The following FAM83D variants were observed in gnomAD, a reference collection of about 807,000 sequenced individuals.
FAM83D encodes the protein protein FAM83D.
FAM83D carries 26 observed loss-of-function variants against 25.4 expected under a neutral mutation model. The observed-to-expected ratio is 1.02, with a 90% CI of 0.75 to 1.42. The LOEUF (loss-of-function observed/expected upper bound fraction) is 1.42. Ranked by LOEUF, FAM83D falls within the 40% of genes most tolerant of loss-of-function variation. The pLI is 0.00. For synonymous variants in FAM83D, 310 were observed against 318.5 expected (o/e 0.97, Z 0.28); for missense variants, 740 against 758.1 (o/e 0.98, Z 0.28).
At chr20:38,935,035 A>G (rs1045505057) in intron 1 of FAM83D, among the ~76,000 whole-genome samples, 18 of 152,230 alleles carry the variant, frequency 1.2e-4, no homozygotes, top group African/African-American at 4.1e-4. Flanking sequence ...ATATAAAACA[A>G]ATATGTTTAT....
chr20:38,938,192 C>T (rs2085686610), intron 1 of FAM83D, among the ~76,000 whole-genome samples: 1 of 152,222 alleles, frequency 6.6e-6, no homozygotes, highest in Non-Finnish European at 1.5e-5. Flanking sequence ...AAAGGTGTTG[C>T]ACAATTGTTT....
At chr20:38,931,601 G>A (rs2085659094) in intron 1 of FAM83D, among the ~76,000 whole-genome samples, 1 of 152,216 alleles carries the variant, frequency 6.6e-6, no homozygotes. Flanking sequence ...CCTTCACTGA[G>A]GTGGTCTGAG....
chr20:38,947,669 C>G (rs2085733915), intron 2 of FAM83D, among the ~76,000 whole-genome samples: 1 of 152,088 alleles, frequency 6.6e-6, no homozygotes, highest in South Asian at 2.1e-4. Context: ...GAAGATGGAC[C>G]AAATGTAGAA....
intron 1 of FAM83D, 74 bp from the exon 2 acceptor site, chr20:38,941,885 C>A: frequency 1.4e-6 from 2 of 1,457,092 alleles, no homozygotes; most frequent in South Asian, 1.2e-5. Flanking sequence ...TGAGTGGAGT[C>A]CAGAGTCCAG....
intron 1 of FAM83D, among the ~76,000 whole-genome samples, chr20:38,928,714 G>A (rs746932145): frequency 6.6e-6 from 1 of 152,204 alleles, no homozygotes; most frequent in South Asian, 2.1e-4. Flanking sequence ...GGCGTGAGGA[G>A]GGGATGGAGC....
At position 38,926,526 on chromosome 20, in the gene FAM83D, C is replaced by T; in HGVS notation, c.84C>T (p.Phe28=). The change falls in exon 1 of 4, where the codon TTC becomes TTT. Residue 28 remains phenylalanine, a synonymous_variant. Coordinates refer to ENST00000619850, the MANE Select transcript of FAM83D (RefSeq NM_030919.3). ...GGCCGCCCAACCCGACCGAGCTGTT[C>T]AGCGAGTCACGGCGCCTGGCTCTGG... is the stretch of plus-strand genomic sequence containing the variant. The part of the protein sequence containing the change: ...PCGPPNPTEL[F]SESRRLALEE... 2 of 1,591,732 alleles carry T rather than the reference C, an allele frequency of 1.3e-6. No individual in the cohort carries two copies. Among genetic ancestry groups the T allele is most frequent in the South Asian group, 2.2e-5 (2 of 90,220 alleles).
intron 1 of FAM83D, among the ~76,000 whole-genome samples, chr20:38,939,262 C>A (rs543860047): frequency 1.5e-4 from 23 of 152,236 alleles, no homozygotes; most frequent in Non-Finnish European, 2.9e-4. Context: ...CTCCAGGAAG[C>A]CTTCCCTGCT....
At chr20:38,946,475 G>A (rs1158282640) in intron 2 of FAM83D, among the ~76,000 whole-genome samples, 1 of 152,132 alleles carries the variant, frequency 6.6e-6, no homozygotes, top group East Asian at 1.9e-4. Flanking sequence ...CCTGGAAATT[G>A]ACATTGTATA....
chr20:38,927,557 G>C (rs1425509354), intron 1 of FAM83D, among the ~76,000 whole-genome samples: 2 of 140,644 alleles, frequency 1.4e-5, no homozygotes, highest in Non-Finnish European at 3.0e-5. Flanking sequence ...GGAGTGAAGT[G>C]GTGGGATCTC....
At chr20:38,942,220 A>G (rs2085706110) in intron 2 of FAM83D, 94 bp downstream of exon 2, 8 of 1,371,510 alleles carry the variant, frequency 5.8e-6, no homozygotes, top group Non-Finnish European at 7.2e-6. Context: ...ATCCCTGTTT[A>G]CAAGGAAGGG....
At chr20:38,938,798 T>G (rs1378497133) in intron 1 of FAM83D, among the ~76,000 whole-genome samples, 1 of 152,194 alleles carries the variant, frequency 6.6e-6, no homozygotes, top group Non-Finnish European at 1.5e-5. Flanking sequence ...TTTGTCTTCA[T>G]CTGGTCTCTA....
intron 3 of FAM83D, among the ~76,000 whole-genome samples, chr20:38,949,654 C>T (rs1294082695): frequency 6.6e-6 from 1 of 152,274 alleles, no homozygotes; most frequent in Non-Finnish European, 1.5e-5. Context: ...AACTCTCAAA[C>T]GTACTGACTC....
At chr20:38,933,219 A>G (rs943600393) in intron 1 of FAM83D, among the ~76,000 whole-genome samples, 12 of 152,196 alleles carry the variant, frequency 7.9e-5, no homozygotes, top group African/African-American at 2.7e-4. Flanking sequence ...ACTCGATGCC[A>G]ATAGCATCCC....
chr20:38,943,311 C>T (rs1261954883), intron 2 of FAM83D, among the ~76,000 whole-genome samples: 1 of 151,834 alleles, frequency 6.6e-6, no homozygotes, highest in African/African-American at 2.4e-5. Context: ...GGCATGAGGC[C>T]CCATGCCCAG....
At chr20:38,937,826 C>T (rs141193788) in intron 1 of FAM83D, among the ~76,000 whole-genome samples, 2 of 152,018 alleles carry the variant, frequency 1.3e-5, no homozygotes, top group Admixed American at 6.5e-5. Context: ...GGTGTGGTGG[C>T]GTGTGCCTGT....
rs573681061 is a variant in FAM83D, at chr20:38,926,449, C to A, written c.7C>A (p.Leu3Met). ...GTCGAGTCCGAGCGCCGCCATGGCT[C>A]TGCTGTCCGAGGGCCTGGACGAGGT... MA[L>M]LSEGLDEVPA... is the part of the protein sequence containing the mutation. Residue 3 changes from leucine (L) to methionine (M), a missense_variant, in exon 1 of 4, where the codon CTG becomes ATG. Around this residue, in one of 3 missense-constraint regions of FAM83D, gnomAD observed 333 missense variants for 298.6 expected, o/e 1.12. Transcript: ENST00000619850. 49 of 1,598,782 alleles carry A rather than the reference C, an allele frequency of 3.1e-5. No individual in the cohort carries two copies. In the African/African-American group the frequency reaches 6.0e-4, roughly 20 times the overall value.
At chr20:38,938,608 C>G (rs1268408448) in intron 1 of FAM83D, among the ~76,000 whole-genome samples, 1 of 152,170 alleles carries the variant, frequency 6.6e-6, no homozygotes, top group African/African-American at 2.4e-5. Context: ...GGTTTTACTG[C>G]CACCTCAAAA....
chr20:38,950,413 AGAG>A (rs2085747890), intron 3 of FAM83D, among the ~76,000 whole-genome samples: 1 of 152,160 alleles, frequency 6.6e-6, no homozygotes. Flanking sequence ...TTCTGCTAGC[AGAG>A]GAGGGAGGCG....
At chr20:38,949,223 G>A (rs549556838) in intron 3 of FAM83D, among the ~76,000 whole-genome samples, 127 of 150,476 alleles carry the variant, frequency 8.4e-4, no homozygotes, top group Non-Finnish European at 1.3e-3. Flanking sequence ...GTGCAGTGGC[G>A]CCATCTTAGC....
Sources: allele counts gnomAD v4.1 joint callset (sites outside exome capture counted in the v4.1 genomes callset), GRCh38; gene constraint gnomAD v4.1.1; regional missense constraint gnomAD v4.1.1; transcripts MANE v1.5; gene names NCBI Gene and HGNC (gene_info 2026-07-23, HGNC 2026-07-21).